The following IFT80 variants were observed in gnomAD, a reference collection of about 807,000 sequenced individuals.
IFT80 encodes the protein intraflagellar transport 80.
IFT80 carries 79 observed loss-of-function variants against 107.9 expected under a neutral mutation model. That is an observed-to-expected ratio of 0.73 (90% CI 0.61 to 0.88). IFT80 has a LOEUF of 0.88. IFT80 is among the 40% of genes least tolerant of loss of function. The pLI, the probability that IFT80 is intolerant of heterozygous loss-of-function variation, is 0.00. For missense variants in IFT80, 797 were observed against 914.2 expected (o/e 0.87, Z 1.65); for synonymous variants, 299 against 300.9 (o/e 0.99, Z 0.07).
rs2108240755 is a variant in IFT80 at position 160,285,860 on chromosome 3, G to A, written c.1324C>T (p.Leu442Phe). ...GGCTTTCCGGTTGATGCCTCAAAGA[G>A]GAAGATTACTTGAAAAAAAGTAGAA... Reference protein sequence around the residue: ...RDKADEKIIFLFEASTGKPLG... With the variant: ...RDKADEKIIFFFEASTGKPLG... Residue 442 changes from leucine (L) to phenylalanine (F), a missense_variant, in exon 13 of 20, where the codon CTC (leucine) becomes TTC (phenylalanine). Leu to Phe is a conservative substitution (Grantham distance 22, BLOSUM62 0). Coordinates refer to ENST00000326448, the MANE Select transcript of IFT80 (RefSeq NM_020800.3). The A allele has an allele frequency of 4.3e-6, 7 of 1,609,742 alleles. No individual in the cohort carries two copies. The highest frequency in any genetic ancestry group is 5.9e-6 in the Non-Finnish European group (7 of 1,176,974).
intron 8 of IFT80, among the ~76,000 whole-genome samples, chr3:160,350,809 G>C (rs1480553928): frequency 6.6e-6 from 1 of 150,428 alleles, no homozygotes; most frequent in African/African-American, 2.4e-5. Flanking sequence ...GCGAGGCTCC[G>C]TTTCAAAAAA....
At chr3:160,391,119 G>GT (rs1713349569) in intron 1 of IFT80, among the ~76,000 whole-genome samples, 1 of 152,208 alleles carries the variant, frequency 6.6e-6, no homozygotes, top group Non-Finnish European at 1.5e-5. Flanking sequence ...CTATGGGGTA[G>GT]CCCTGCTCCG....
chr3:160,289,435 T>C (rs191641767), intron 12 of IFT80, among the ~76,000 whole-genome samples: 24 of 152,292 alleles, frequency 1.6e-4, no homozygotes, highest in Admixed American at 1.4e-3. Context: ...AACCTGCACA[T>C]GTACCCTGAA....
chr3:160,310,225 A>G (rs1576787898), intron 9 of IFT80, among the ~76,000 whole-genome samples: 2 of 152,218 alleles, frequency 1.3e-5, no homozygotes, highest in South Asian at 4.1e-4. Context: ...ATCTTGTCAC[A>G]TCAGAAAGCA....
chr3:160,325,928 TCAACCTGTA>T (rs1718644983), intron 8 of IFT80, among the ~76,000 whole-genome samples: 1 of 152,062 alleles, frequency 6.6e-6, no homozygotes, highest in African/African-American at 2.4e-5. Context: ...TTAGGAATGC[TCAACCTGTA>T]TAACAATATT....
At chr3:160,302,437 T>C (rs928655583) in intron 11 of IFT80, among the ~76,000 whole-genome samples, 3 of 152,064 alleles carry the variant, frequency 2.0e-5, no homozygotes, top group Admixed American at 6.6e-5. Context: ...TTAGTATATA[T>C]TCCTTTGTCT....
At chr3:160,297,939 G>A (rs936938923) in intron 12 of IFT80, among the ~76,000 whole-genome samples, 1 of 152,128 alleles carries the variant, frequency 6.6e-6, no homozygotes, top group Non-Finnish European at 1.5e-5. Flanking sequence ...CTAAGGAGCT[G>A]TGAGTTGAAA....
chr3:160,325,955 T>C (rs1251930379), intron 8 of IFT80, among the ~76,000 whole-genome samples: 2 of 152,030 alleles, frequency 1.3e-5, no homozygotes, highest in South Asian at 2.1e-4. Context: ...ATTGTGATAG[T>C]AACGTTAAAT....
At chr3:160,310,697 C>T (rs757260972) in intron 9 of IFT80, among the ~76,000 whole-genome samples, 30 of 152,110 alleles carry the variant, frequency 2.0e-4, no homozygotes, top group Non-Finnish European at 3.4e-4. Context: ...TACCTGAACA[C>T]GCTGATCAAA....
At chr3:160,311,158 T>C (rs1458706398) in intron 9 of IFT80, among the ~76,000 whole-genome samples, 1 of 151,890 alleles carries the variant, frequency 6.6e-6, no homozygotes, top group African/African-American at 2.4e-5. Context: ...TAAATAAAAA[T>C]AAATAAATGT....
chr3:160,365,528 C>T (rs1022911784), intron 6 of IFT80, among the ~76,000 whole-genome samples: 4 of 152,052 alleles, frequency 2.6e-5, no homozygotes, highest in African/African-American at 9.7e-5. Flanking sequence ...GATGGCACAG[C>T]AACTTATAAT....
intron 9 of IFT80, among the ~76,000 whole-genome samples, chr3:160,313,903 C>T (rs1717599112): frequency 1.3e-5 from 2 of 152,032 alleles, no homozygotes; most frequent in South Asian, 2.1e-4. Flanking sequence ...CCATCGTGCC[C>T]GGCCTCTGTG....
At chr3:160,288,092 C>T (rs1715236388) in intron 12 of IFT80, among the ~76,000 whole-genome samples, 1 of 152,184 alleles carries the variant, frequency 6.6e-6, no homozygotes, top group South Asian at 2.1e-4. Context: ...CGCCTGTAAT[C>T]CCAGCACTTT....
At chr3:160,310,992 G>A (rs1020339672) in intron 9 of IFT80, among the ~76,000 whole-genome samples, 4 of 152,126 alleles carry the variant, frequency 2.6e-5, no homozygotes, top group Non-Finnish European at 4.4e-5. Flanking sequence ...AGGTGTGGTG[G>A]CAGACACCTG....
At chr3:160,391,752 G>A (rs1276788112) in intron 1 of IFT80, 1 of 152,172 alleles carries the variant, frequency 6.6e-6, no homozygotes, top group Non-Finnish European at 1.5e-5. Flanking sequence ...ATGCCATCAA[G>A]GCCATGTATA....
chr3:160,342,798 A>C (rs1720010902), intron 8 of IFT80: 1 of 152,524 alleles, frequency 6.6e-6, no homozygotes, highest in African/African-American at 2.4e-5. Context: ...TTGAGATGAA[A>C]CTGACTTCTA....
intron 18 of IFT80, among the ~76,000 whole-genome samples, chr3:160,274,914 C>T (rs1393072566): frequency 1.3e-5 from 2 of 152,254 alleles, no homozygotes; most frequent in South Asian, 2.1e-4. Flanking sequence ...AGCGAGACTC[C>T]GTCTCAAAAA....
At chr3:160,347,509 G>C (rs1720375902) in intron 8 of IFT80, among the ~76,000 whole-genome samples, 1 of 152,158 alleles carries the variant, frequency 6.6e-6, no homozygotes, top group Admixed American at 6.6e-5. Context: ...AACTGATACA[G>C]AGTCAGAGAG....
In IFT80 at chr3:160,377,610, G is replaced by C. The variant is rs985011746; in HGVS notation, c.260-70C>G. ...AACAAAGCACCTACTACTAGACTAA[G>C]TAATAGGCACTAAAGGCATAAAGGC... On this transcript the variant is annotated intron_variant, in intron 3 of 19. Coordinates refer to ENST00000326448, the MANE Select transcript of IFT80 (RefSeq NM_020800.3). 5 of 831,030 alleles carry C rather than the reference G, an allele frequency of 6.0e-6. No individual in the cohort carries two copies. In the Admixed American group the frequency reaches 7.7e-5, roughly 13 times the overall value. 51.5% of individuals were successfully genotyped at this position (831,030 alleles called of 1,614,324 possible).
Sources: gnomAD v4.1 joint callset for allele counts (sites outside exome capture counted in the v4.1 genomes callset) on GRCh38, gnomAD v4.1.1 for gene constraint, MANE v1.5 for transcripts, NCBI Gene and HGNC (gene_info 2026-07-23, HGNC 2026-07-21) for gene names.